The following HECW2 variants were observed in gnomAD, a reference collection of about 807,000 sequenced individuals.
The protein encoded by HECW2 is HECT, C2 and WW domain containing E3 ubiquitin protein ligase 2.
In HECW2, 61 loss-of-function variants were observed where a neutral mutation model predicts 175.2. That is an observed-to-expected ratio of 0.35 (90% CI 0.28 to 0.43). The LOEUF (loss-of-function observed/expected upper bound fraction) is 0.43, where lower values mean the gene tolerates loss of function less well. HECW2 is among the 20% of genes least tolerant of loss of function. The pLI, the probability that HECW2 is intolerant of heterozygous loss-of-function variation, is 1.00. For missense variants in HECW2, 1,524 were observed against 2,000.5 expected, an observed-to-expected ratio of 0.76 and a Z score of 4.54; for synonymous variants, 671 against 731.0, an observed-to-expected ratio of 0.92 and a Z score of 1.32.
At chr2:196,387,294 A>T (rs745480438) in intron 2 of HECW2, among the ~76,000 whole-genome samples, 1 of 152,152 alleles carries the variant, frequency 6.6e-6, no homozygotes, top group Non-Finnish European at 1.5e-5. Flanking sequence ...CAAATCCCCA[A>T]TGCAATATTA....
chr2:196,288,015 T>C (rs1690457185), intron 14 of HECW2: 1 of 151,718 alleles, frequency 6.6e-6, no homozygotes, highest in Non-Finnish European at 1.5e-5. Context: ...TTTTTTTTAT[T>C]ATACTTTAAG....
intron 1 of HECW2, among the ~76,000 whole-genome samples, chr2:196,485,953 C>T: frequency 6.6e-6 from 1 of 152,104 alleles, no homozygotes; most frequent in Admixed American, 6.5e-5. Context: ...GAAGCTATTC[C>T]CTGAATCAAT....
chr2:196,273,883 T>C (rs1211799726), intron 16 of HECW2, 138 bp downstream of exon 16: 2 of 587,926 alleles, frequency 3.4e-6, no homozygotes, highest in Non-Finnish European at 6.0e-6. Context: ...TTGTTATACA[T>C]TTCTTAAGGA....
chr2:196,537,561 G>A (rs531710111), intron 1 of HECW2, among the ~76,000 whole-genome samples: 12 of 152,234 alleles, frequency 7.9e-5, no homozygotes, highest in Admixed American at 2.0e-4. Flanking sequence ...AAGCTGAGGT[G>A]TGGCTGAACG....
At chr2:196,253,197 A>G (rs1688922711) in intron 19 of HECW2, among the ~76,000 whole-genome samples, 1 of 152,244 alleles carries the variant, frequency 6.6e-6, no homozygotes, top group African/African-American at 2.4e-5. Flanking sequence ...AGTGACACAT[A>G]TGGAGTTTGC....
At chr2:196,247,859 G>C (rs1183225290) in intron 19 of HECW2, among the ~76,000 whole-genome samples, 1 of 152,152 alleles carries the variant, frequency 6.6e-6, no homozygotes, top group East Asian at 1.9e-4. Context: ...ACAGGGGCTG[G>C]ATCTTAGCCT....
At chr2:196,411,874 G>C (rs906174186) in intron 2 of HECW2, among the ~76,000 whole-genome samples, 1 of 152,236 alleles carries the variant, frequency 6.6e-6, no homozygotes, top group Non-Finnish European at 1.5e-5. Flanking sequence ...AGCTGGTGTA[G>C]TGGCGCACAC....
intron 1 of HECW2, among the ~76,000 whole-genome samples, chr2:196,479,790 C>A (rs1242170864): frequency 6.6e-6 from 1 of 152,178 alleles, no homozygotes; most frequent in African/African-American, 2.4e-5. Context: ...CCCCAATTTT[C>A]TTTTCCATCT....
intron 2 of HECW2, among the ~76,000 whole-genome samples, chr2:196,415,521 T>C (rs1695230902): frequency 7.0e-6 from 1 of 143,712 alleles, no homozygotes; most frequent in Non-Finnish European, 1.5e-5. Flanking sequence ...CCCTGATGTG[T>C]AGTGTTTGCT....
chr2:196,418,388 A>G (rs1455228117), intron 2 of HECW2, among the ~76,000 whole-genome samples: 1 of 152,174 alleles, frequency 6.6e-6, no homozygotes, highest in African/African-American at 2.4e-5. Flanking sequence ...TCGGCCTCCC[A>G]AAGTGCTGTG....
At chr2:196,418,182 G>A (rs1485870348) in intron 2 of HECW2, among the ~76,000 whole-genome samples, 3 of 151,578 alleles carry the variant, frequency 2.0e-5, no homozygotes, top group Non-Finnish European at 4.4e-5. Context: ...AGGCTGGAGT[G>A]CAGTGGCACC....
At chr2:196,474,127 ACTC>A (rs779102694) in intron 1 of HECW2, among the ~76,000 whole-genome samples, 71 of 152,294 alleles carry the variant, frequency 4.7e-4, no homozygotes, top group Non-Finnish European at 8.8e-4. Flanking sequence ...TTTAAAATAA[ACTC>A]CTCCTCTTGG....
intron 2 of HECW2, among the ~76,000 whole-genome samples, chr2:196,389,665 C>T (rs1220308126): frequency 6.6e-6 from 1 of 152,282 alleles, no homozygotes; most frequent in Non-Finnish European, 1.5e-5. Flanking sequence ...GAAAGGCAGA[C>T]TAAATTGACT....
chr2:196,266,311 C>T (rs2105948230), intron 17 of HECW2, among the ~76,000 whole-genome samples: 1 of 151,576 alleles, frequency 6.6e-6, no homozygotes, highest in Middle Eastern at 3.4e-3. Context: ...CGCGACACTA[C>T]ACTGCAGCCT....
intron 1 of HECW2, among the ~76,000 whole-genome samples, chr2:196,506,307 T>C (rs933706040): frequency 5.3e-5 from 8 of 152,116 alleles, no homozygotes; most frequent in African/African-American, 1.7e-4. Context: ...GCTTACAGAA[T>C]CTAGAAAACA....
intron 1 of HECW2, among the ~76,000 whole-genome samples, chr2:196,444,291 GTCT>G (rs34047450): frequency 0.85 from 129,231 of 151,930 alleles, 56,653 homozygotes; most frequent in Non-Finnish European, 0.95. Context: ...AGGTGGGAAA[GTCT>G]TCTTTGCAAA....
chr2:196,239,479 A>G (rs1008093081), intron 21 of HECW2: 1 of 152,180 alleles, frequency 6.6e-6, no homozygotes, highest in African/African-American at 2.4e-5. Flanking sequence ...TATAGTTTGG[A>G]GTCATTATTT....
At chr2:196,269,496 C>CAAAAAAAAAAAAAAAAAAAAAAAAA (rs66656524) in intron 17 of HECW2, 1 of 51,286 alleles carries the variant, frequency 1.9e-5, no homozygotes, top group African/African-American at 8.9e-5. Context: ...CCCCTACCTC[C>CAAAAAAAAAAAAAAAAAAAAAAAAA]AAAAAAAAAA....
At position 196,215,891 on chromosome 2, in the gene HECW2, T is replaced by C; in HGVS notation, c.4581A>G (p.Lys1527=). Residue 1527 remains lysine (K), a synonymous_variant, in exon 28 of 29, where the codon AAA becomes AAG. Transcript: ENST00000644978. ...SNGPRRFCVE[K]WGKITALPRA... is the part of the protein sequence containing the mutation. ...TGGGAAGAGCAGTGATTTTCCCCCA[T>C]TTCTCCACACAGAATCTTCTTGGGC... is the stretch of plus-strand genomic sequence containing the variant. The C allele has an allele frequency of 6.2e-7, 1 of 1,613,476 alleles. No individual in the cohort carries two copies. Among genetic ancestry groups the C allele is most frequent in the Middle Eastern group, 1.6e-4 (1 of 6,062 alleles).
Sources: allele counts gnomAD v4.1 joint callset (sites outside exome capture counted in the v4.1 genomes callset), GRCh38; gene constraint gnomAD v4.1.1; transcripts MANE v1.5; gene names NCBI Gene and HGNC (gene_info 2026-07-23, HGNC 2026-07-21).